The following CSMD3 variants were observed in gnomAD, a reference collection of about 807,000 sequenced individuals.
CSMD3 encodes CUB and sushi domain-containing protein 3.
In CSMD3, 177 loss-of-function variants were observed where a neutral mutation model predicts 435.2. The observed-to-expected ratio is 0.41, with a 90% confidence interval of 0.36 to 0.46. The LOEUF (loss-of-function observed/expected upper bound fraction) is 0.46, where lower values mean the gene tolerates loss of function less well. CSMD3 is among the 20% of genes least tolerant of loss of function. CSMD3 has a pLI of 0.34. For synonymous variants in CSMD3, 1,656 were observed against 1,520.5 expected, an observed-to-expected ratio of 1.09 and a Z score of -2.07; for missense variants, 4,265 against 4,504.6, an observed-to-expected ratio of 0.95 and a Z score of 1.52.
At chr8:112,956,933 T>C (rs546579627) in intron 7 of CSMD3, among the ~76,000 whole-genome samples, 1 of 152,118 alleles carries the variant, frequency 6.6e-6, no homozygotes, top group Non-Finnish European at 1.5e-5. Context: ...CAGGAGAATA[T>C]CCATTTTTGG....
intron 10 of CSMD3, among the ~76,000 whole-genome samples, chr8:112,902,470 T>G (rs1049540448): frequency 4.2e-4 from 63 of 151,354 alleles, no homozygotes; most frequent in Non-Finnish European, 2.5e-4. Flanking sequence ...AGGAGAAAAT[T>G]TATCTTCTAC....
intron 10 of CSMD3, among the ~76,000 whole-genome samples, chr8:112,904,154 C>T (rs972354521): frequency 1.3e-5 from 2 of 151,298 alleles, no homozygotes; most frequent in Admixed American, 6.6e-5. Flanking sequence ...AGGCTGTCTT[C>T]CCAAAATATG....
At chr8:113,395,879 A>G (rs1226616801) in intron 1 of CSMD3, among the ~76,000 whole-genome samples, 8 of 152,154 alleles carry the variant, frequency 5.3e-5, no homozygotes, top group Admixed American at 2.6e-4. Context: ...TTCTAATACT[A>G]TGAAGATCCT....
chr8:113,097,684 T>A (rs1466090585), intron 5 of CSMD3, among the ~76,000 whole-genome samples: 1 of 152,054 alleles, frequency 6.6e-6, no homozygotes, highest in Non-Finnish European at 1.5e-5. Flanking sequence ...TAATTGCACA[T>A]CTTGAAGAAT....
chr8:112,331,183 T>C (rs1037811592), intron 45 of CSMD3, among the ~76,000 whole-genome samples: 71 of 152,062 alleles, frequency 4.7e-4, no homozygotes, highest in Non-Finnish European at 3.2e-4. Flanking sequence ...GAACACTCAG[T>C]TAAAATTTAT....
intron 12 of CSMD3, among the ~76,000 whole-genome samples, chr8:112,827,336 T>C (rs562654062): frequency 1.3e-5 from 2 of 151,584 alleles, no homozygotes; most frequent in East Asian, 3.9e-4. Flanking sequence ...TGATTTCTAA[T>C]ATTTTATCCA....
At chr8:113,245,610 T>C (rs923629778) in intron 3 of CSMD3, among the ~76,000 whole-genome samples, 1 of 152,076 alleles carries the variant, frequency 6.6e-6, no homozygotes, top group Non-Finnish European at 1.5e-5. Context: ...TAACAGAGTT[T>C]CTTAATTAAT....
chr8:112,980,309 A>C (rs962574023), intron 6 of CSMD3, among the ~76,000 whole-genome samples: 21 of 151,180 alleles, frequency 1.4e-4, no homozygotes, highest in Non-Finnish European at 2.4e-4. Flanking sequence ...AAATAACTAC[A>C]TATTCAAAGA....
chr8:112,462,693 C>T (rs1817573342), intron 32 of CSMD3, among the ~76,000 whole-genome samples: 1 of 148,516 alleles, frequency 6.7e-6, no homozygotes, highest in African/African-American at 2.5e-5. Flanking sequence ...ATATGATACA[C>T]ACGTATAAAT....
chr8:112,834,306 T>A (rs1313027031), intron 11 of CSMD3, among the ~76,000 whole-genome samples: 2 of 151,918 alleles, frequency 1.3e-5, no homozygotes, highest in Non-Finnish European at 2.9e-5. Context: ...ATATTCTGAT[T>A]GAATTTTTAT....
intron 4 of CSMD3, among the ~76,000 whole-genome samples, chr8:113,114,156 T>G (rs1471162666): frequency 1.3e-5 from 2 of 152,064 alleles, no homozygotes; most frequent in Non-Finnish European, 1.5e-5. Context: ...AAAAAAGATA[T>G]CTAAAGAATG....
intron 3 of CSMD3, among the ~76,000 whole-genome samples, chr8:113,241,605 A>G (rs1457912064): frequency 2.1e-5 from 2 of 96,594 alleles, no homozygotes; most frequent in African/African-American, 3.5e-5. Context: ...TTTTTTGCTG[A>G]AAAAAAAAAA....
intron 50 of CSMD3, chr8:112,310,458 C>G (rs1821866780): frequency 6.2e-6 from 1 of 161,414 alleles, no homozygotes; most frequent in Non-Finnish European, 1.4e-5. Flanking sequence ...TGACAAAATA[C>G]AAAGAAAAAT....
At chr8:112,597,717 G>A (rs1442314950) in intron 22 of CSMD3, among the ~76,000 whole-genome samples, 37 of 135,952 alleles carry the variant, frequency 2.7e-4, no homozygotes, top group Non-Finnish European at 3.1e-4. Context: ...TTCAATATAC[G>A]CAAATCAATA....
At chr8:112,541,472 T>C (rs1337363588) in intron 27 of CSMD3, among the ~76,000 whole-genome samples, 1 of 151,620 alleles carries the variant, frequency 6.6e-6, no homozygotes, top group Non-Finnish European at 1.5e-5. Flanking sequence ...TATTGAACAA[T>C]TATATGATTA....
intron 10 of CSMD3, among the ~76,000 whole-genome samples, chr8:112,912,025 G>A (rs569676227): frequency 1.3e-5 from 2 of 148,428 alleles, no homozygotes; most frequent in South Asian, 4.2e-4. Flanking sequence ...AATCTAATAT[G>A]CAATATTTGC....
intron 5 of CSMD3, among the ~76,000 whole-genome samples, chr8:113,048,621 AT>A (rs2087946979): frequency 6.6e-6 from 1 of 152,206 alleles, no homozygotes; most frequent in African/African-American, 2.4e-5. Context: ...CTTTTATATA[AT>A]ATTTTATTAA....
intron 45 of CSMD3, among the ~76,000 whole-genome samples, chr8:112,322,319 T>A (rs192920643): frequency 5.9e-5 from 9 of 152,224 alleles, no homozygotes; most frequent in Admixed American, 2.0e-4. Context: ...TGTAATTTTT[T>A]ACTAAAGAAG....
intron 22 of CSMD3, among the ~76,000 whole-genome samples, chr8:112,604,953 A>T (rs530202507): frequency 1.2e-4 from 19 of 152,226 alleles, no homozygotes; most frequent in African/African-American, 4.6e-4. Flanking sequence ...AGACAACCTT[A>T]TTAAAATATG....
Sources: allele counts gnomAD v4.1 joint callset (sites outside exome capture counted in the v4.1 genomes callset), GRCh38; gene constraint gnomAD v4.1.1; transcripts MANE v1.5; gene names NCBI Gene and HGNC (gene_info 2026-07-23, HGNC 2026-07-21).